Variants in GALNT13 observed in about 807,000 individuals in gnomAD.
The protein encoded by GALNT13 is polypeptide N-acetylgalactosaminyltransferase 13.
Under a neutral mutation model 64.2 loss-of-function variants are expected in GALNT13, and 28 were observed. The observed-to-expected ratio is 0.44, with a 90% confidence interval of 0.32 to 0.60. GALNT13 has a LOEUF of 0.60. Ranked by LOEUF, GALNT13 falls within the 20% of genes least tolerant of loss-of-function variation. The pLI is 0.05. For missense variants in GALNT13, 577 were observed against 669.8 expected (o/e 0.86, Z 1.53); for synonymous variants, 214 against 224.6 (o/e 0.95, Z 0.42).
chr2:153,195,334 T>G, the GALNT13 span, among the ~76,000 whole-genome samples: 1 of 152,164 alleles, frequency 6.6e-6, no homozygotes, highest in African/African-American at 2.4e-5. Flanking sequence ...CCTACCAGCC[T>G]GGAACTCATG....
At chr2:154,133,554 A>ATT in intron 3 of GALNT13, among the ~76,000 whole-genome samples, 1 of 27,852 alleles carries the variant, frequency 3.6e-5, no homozygotes, top group Admixed American at 3.0e-4. Context: ...ATATATATAT[A>ATT]TATATATATA....
chr2:153,884,785 A>ATATG (rs1450308010), intron 1 of GALNT13, among the ~76,000 whole-genome samples: 33 of 122,496 alleles, frequency 2.7e-4, no homozygotes, highest in South Asian at 8.8e-4. Flanking sequence ...ATATATATAT[A>ATATG]TGTGTGTGTA....
the GALNT13 span, among the ~76,000 whole-genome samples, chr2:153,261,642 A>G: frequency 1.3e-5 from 2 of 152,156 alleles, no homozygotes; most frequent in African/African-American, 4.8e-5. Flanking sequence ...AAGCCAGCGT[A>G]CCACTGGGTT....
chr2:153,142,543 T>C, the GALNT13 span, among the ~76,000 whole-genome samples: 7 of 151,992 alleles, frequency 4.6e-5, no homozygotes, highest in Admixed American at 1.3e-4. Context: ...GCCCAATACC[T>C]GGGAATAATA....
At chr2:154,263,360 A>G (rs1690807042) in intron 8 of GALNT13, among the ~76,000 whole-genome samples, 1 of 152,136 alleles carries the variant, frequency 6.6e-6, no homozygotes, top group South Asian at 2.1e-4. Context: ...TGAGTACTCC[A>G]CTCAGCACAT....
At chr2:153,643,227 T>A in the GALNT13 span, among the ~76,000 whole-genome samples, 1 of 151,424 alleles carries the variant, frequency 6.6e-6, no homozygotes, top group Non-Finnish European at 1.5e-5. Flanking sequence ...TTTTCTGTAA[T>A]GACTAGTAAA....
At chr2:154,139,864 C>G (rs1238348396) in intron 3 of GALNT13, among the ~76,000 whole-genome samples, 2 of 152,138 alleles carry the variant, frequency 1.3e-5, no homozygotes, top group Non-Finnish European at 2.9e-5. Context: ...TATGAAGCTT[C>G]TTTTGACACA....
chr2:154,107,455 T>C (rs1020232268), intron 3 of GALNT13, among the ~76,000 whole-genome samples: 1 of 151,648 alleles, frequency 6.6e-6, no homozygotes, highest in Non-Finnish European at 1.5e-5. Flanking sequence ...CTGGGCGTAG[T>C]GGCGCGTGCG....
At chr2:153,694,203 T>C in the GALNT13 span, among the ~76,000 whole-genome samples, 883 of 152,320 alleles carry the variant, frequency 5.8e-3, 9 homozygotes, top group African/African-American at 0.02. Flanking sequence ...TTACGAAGTT[T>C]AACTTTCCCT....
In GALNT13 at chr2:154,030,614, T is replaced by C. The variant is rs543507797; in HGVS notation, c.142+85975T>C. ...GTCCCCACCGAAATCTCACATCAAA[T>C]TGTAATTGCCACATGTCAGGGGAGG... On this transcript the variant is annotated intron_variant, in intron 3 of 12. Coordinates refer to ENST00000392825, the MANE Select transcript of GALNT13 (RefSeq NM_052917.4). 1.2e-4 allele frequency among the ~76,000 whole-genome samples: 19 copies of C among 152,226 alleles called. No individual in the cohort carries two copies. In the South Asian group the frequency reaches 3.9e-3, roughly 32 times the overall value.
the GALNT13 span, among the ~76,000 whole-genome samples, chr2:153,435,677 T>C: frequency 6.6e-6 from 1 of 152,290 alleles, no homozygotes; most frequent in East Asian, 1.9e-4. Flanking sequence ...GCACATTGAT[T>C]TTGTATCCTG....
rs72997399 is a variant in GALNT13, at chr2:154,317,321, T to C, written c.1156+15732T>C. On this transcript the variant is annotated intron_variant, in intron 9 of 12. Coordinates refer to ENST00000392825, the MANE Select transcript of GALNT13 (RefSeq NM_052917.4). The stretch of plus-strand genomic sequence containing the variant: ...GAAGATAAGAAAATAGATACAATTT[T>C]AAATTCTAGATCAATAAGCTTTCCA... 1.6e-3 allele frequency among the ~76,000 whole-genome samples: 247 copies of C among 152,272 alleles called. 2 individuals are homozygous for C. The highest frequency in any genetic ancestry group is 5.7e-3 in the African/African-American group (235 of 41,554).
the GALNT13 span, among the ~76,000 whole-genome samples, chr2:153,165,827 C>G: frequency 1.3e-5 from 2 of 151,974 alleles, no homozygotes; most frequent in Non-Finnish European, 2.9e-5. Flanking sequence ...CTGCTAAAAA[C>G]CAAGATAAAA....
chr2:153,656,317 A>AGTGTGT, the GALNT13 span, among the ~76,000 whole-genome samples: 485 of 149,466 alleles, frequency 3.2e-3, 1 homozygote, highest in East Asian at 0.025. Context: ...GACTTAAAGA[A>AGTGTGT]GTGTGTGTGT....
chr2:154,028,058 G>A (rs1698092541), intron 3 of GALNT13, among the ~76,000 whole-genome samples: 1 of 152,106 alleles, frequency 6.6e-6, no homozygotes, highest in Non-Finnish European at 1.5e-5. Flanking sequence ...CGACTGTAGA[G>A]CACTATTGCC....
At chr2:154,409,464 A>G in intron 11 of GALNT13, 1 of 226,506 alleles carries the variant, frequency 4.4e-6, no homozygotes, top group Non-Finnish European at 8.7e-6. Flanking sequence ...TCAGATTTTT[A>G]TGTATGTTAT....
the GALNT13 span, among the ~76,000 whole-genome samples, chr2:153,216,776 C>A: frequency 6.6e-6 from 1 of 151,774 alleles, no homozygotes; most frequent in Non-Finnish European, 1.5e-5. Context: ...CCTAGTATGT[C>A]TTTCATGGAA....
intron 4 of GALNT13, among the ~76,000 whole-genome samples, chr2:154,147,553 G>C (rs1349589170): frequency 6.6e-6 from 1 of 151,846 alleles, no homozygotes; most frequent in East Asian, 1.9e-4. Context: ...GCAGAAAGGA[G>C]AGTGTAGACA....
At chr2:153,156,038 T>C in the GALNT13 span, among the ~76,000 whole-genome samples, 1 of 152,194 alleles carries the variant, frequency 6.6e-6, no homozygotes, top group East Asian at 1.9e-4. Context: ...TGTAATTTTA[T>C]GGTTTTGAGT....
Sources: gnomAD v4.1 joint callset for allele counts (sites outside exome capture counted in the v4.1 genomes callset) on GRCh38, gnomAD v4.1.1 for gene constraint, MANE v1.5 for transcripts, NCBI Gene and HGNC (gene_info 2026-07-23, HGNC 2026-07-21) for gene names.